Variants in SLC16A5 observed in about 807,000 individuals in gnomAD.
SLC16A5 encodes solute carrier family 16 member 5.
A neutral mutation model predicts 33.2 loss-of-function variants in SLC16A5; 29 were observed. The ratio of observed to expected loss-of-function variants is 0.87; its 90% CI spans 0.65 to 1.19. SLC16A5 has a LOEUF of 1.19. Among genes scored for constraint, SLC16A5 ranks in the 50% most tolerant of loss-of-function variants. The probability of loss-of-function intolerance (pLI) is 0.00; values close to 1 mark genes in which losing one functional copy is unlikely to be tolerated. For missense variants in SLC16A5, 606 were observed against 678.2 expected (o/e 0.89, Z 1.18); for synonymous variants, 248 against 284.1 (o/e 0.87, Z 1.28).
intron 5 of SLC16A5, among the ~76,000 whole-genome samples, chr17:75,101,238 GAC>G (rs2073795181): frequency 1.4e-5 from 2 of 141,350 alleles, no homozygotes; most frequent in Non-Finnish European, 3.0e-5. Flanking sequence ...AACAAAGCGA[GAC>G]TCCGCCTCAA....
At chr17:75,107,627 AC>A (rs2073872758), downstream of SLC16A5, among the ~76,000 whole-genome samples, 1 of 151,722 alleles carries the variant, frequency 6.6e-6, no homozygotes. Flanking sequence ...ACAAGGTGAA[AC>A]CCCATCTCTG....
At chr17:75,107,837 T>C (rs2073874196), downstream of SLC16A5, among the ~76,000 whole-genome samples, 1 of 152,056 alleles carries the variant, frequency 6.6e-6, no homozygotes, top group African/African-American at 2.4e-5. Context: ...TTCAGGAGGC[T>C]GAGGCAGGAG....
At chr17:75,099,038 T>C (rs1256847660) in intron 4 of SLC16A5, among the ~76,000 whole-genome samples, 1 of 152,082 alleles carries the variant, frequency 6.6e-6, no homozygotes, top group Admixed American at 6.6e-5. Flanking sequence ...CGGTCACACA[T>C]GATTGAGAAC....
intron 3 of SLC16A5, among the ~76,000 whole-genome samples, chr17:75,095,746 G>A (rs542909989): frequency 2.0e-4 from 30 of 151,552 alleles, no homozygotes; most frequent in South Asian, 4.2e-4. Flanking sequence ...TGTAACCTCC[G>A]CCTTCCAGGT....
intron 6 of SLC16A5, 69 bp from the exon 7 acceptor site, chr17:75,105,811 G>A: frequency 6.8e-7 from 1 of 1,475,312 alleles, no homozygotes; most frequent in Non-Finnish European, 9.1e-7. Flanking sequence ...TCAGGATGTT[G>A]TTTGTTGATT....
intron 5 of SLC16A5, among the ~76,000 whole-genome samples, chr17:75,101,816 A>G (rs2073803652): frequency 6.6e-6 from 1 of 151,804 alleles, no homozygotes; most frequent in Non-Finnish European, 1.5e-5. Context: ...TATATTTTTT[A>G]TAGAAATGGG....
chr17:75,098,243 G>A (rs937393671), intron 4 of SLC16A5, 62 bp downstream of exon 4: 1 of 1,602,632 alleles, frequency 6.2e-7, no homozygotes, highest in South Asian at 1.1e-5. Context: ...GGCACAAGTG[G>A]ACAGGGCAGG....
intron 2 of SLC16A5, chr17:75,093,331 G>GTCCTGTCCCTCCTATCCC (rs1037512147): frequency 2.9e-6 from 4 of 1,392,200 alleles, no homozygotes; most frequent in Non-Finnish European, 3.9e-6. Context: ...GCCCTGCCCC[G>GTCCTGTCCCTCCTATCCC]TCCTGTCCCT....
Position 75,100,142 on chromosome 17 carries a change from G to T in SLC16A5, c.479G>T (p.Arg160Leu). Residue 160 changes from arginine to leucine, a missense_variant, in exon 5 of 7, where the codon CGC becomes CTC. By Grantham distance (102) the Arg-to-Leu change is moderately radical. Transcript: ENST00000329783. Reference sequence around the variant, plus strand: ...ATCACCCTCTGGCCGCTGCTCTCCCGCTACCTTCTGGAGAACCTGGGCTGG... The same window carrying T: ...ATCACCCTCTGGCCGCTGCTCTCCCTCTACCTTCTGGAGAACCTGGGCTGG... ...LGITLWPLLS[R>L]YLLENLGWRG... 1 of 1,614,172 alleles carries T rather than the reference G, an allele frequency of 6.2e-7. No individual in the cohort carries two copies. Among genetic ancestry groups the T allele is most frequent in the Non-Finnish European group, 8.5e-7 (1 of 1,180,020 alleles).
At chr17:75,091,366 T>C (rs1457040354) in intron 2 of SLC16A5, among the ~76,000 whole-genome samples, 1 of 152,132 alleles carries the variant, frequency 6.6e-6, no homozygotes, top group Admixed American at 6.5e-5. Flanking sequence ...ATCTGCGATA[T>C]TGCCTGGCCT....
At position 75,098,129 on chromosome 17, in the gene SLC16A5, C is replaced by A; in HGVS notation, c.291C>A (p.Ser97Arg). ...TGGCCAGCCTGGGCATGGTGGCCAG[C>A]TCCTTCTCTCACAACCTCAGCCAGC... The part of the protein sequence containing the change: ...GVLASLGMVA[S>R]SFSHNLSQLY... The change falls in exon 4 of 7, where the codon AGC becomes AGA. Residue 97 changes from serine (S) to arginine (R), a missense_variant. Physicochemically the swap from Ser to Arg is moderately radical, Grantham distance 110. Transcript: ENST00000329783. 6.2e-7 allele frequency: 1 copy of A among 1,612,004 alleles called. No homozygotes were observed. Among genetic ancestry groups the A allele is most frequent in the South Asian group, 1.1e-5 (1 of 90,776 alleles).
Position 75,105,944 on chromosome 17 carries a change from T to C in SLC16A5, c.1429T>C (p.Ser477Pro), listed in dbSNP as rs766280776. The C allele has an allele frequency of 1.2e-6, 2 of 1,611,996 alleles. No homozygotes were observed. The highest frequency in any genetic ancestry group is 1.1e-5 in the South Asian group (1 of 90,792). The part of the protein sequence containing the change: ...VNKHLWGCPA[S>P]SRTSHEWLLW... ...TAAGCATCTTTGGGGATGTCCTGCCTCCTCCAGGACCAGCCATGAGTGGCT... is the reference window on the plus strand; with the variant it reads ...TAAGCATCTTTGGGGATGTCCTGCCCCCTCCAGGACCAGCCATGAGTGGCT... Residue 477 changes from serine to proline, a missense_variant, in exon 7 of 7, where the codon TCC becomes CCC. Ser to Pro is a moderately conservative substitution (Grantham distance 74). Coordinates refer to ENST00000329783, the MANE Select transcript of SLC16A5 (RefSeq NM_004695.4).
upstream of SLC16A5, chr17:75,087,873 A>T (rs989678306): frequency 5.3e-5 from 8 of 152,106 alleles, no homozygotes; most frequent in African/African-American, 1.7e-4. Context: ...TCCCCACCCG[A>T]CGGAATCCCG....
downstream of SLC16A5, among the ~76,000 whole-genome samples, chr17:75,106,637 G>A (rs867450972): frequency 4.6e-4 from 69 of 149,112 alleles, no homozygotes; most frequent in Middle Eastern, 7.1e-3. Context: ...GCTCACGCCT[G>A]TAATCCCAGC....
At chr17:75,087,637 C>A (rs1486369341), upstream of SLC16A5, 1 of 152,284 alleles carries the variant, frequency 6.6e-6, no homozygotes, top group Non-Finnish European at 1.5e-5. Flanking sequence ...TCTGCGCCTT[C>A]CCCACCCCAC....
At chr17:75,095,058 T>C (rs1482953875) in intron 3 of SLC16A5, among the ~76,000 whole-genome samples, 2 of 152,192 alleles carry the variant, frequency 1.3e-5, no homozygotes, top group Non-Finnish European at 2.9e-5. Flanking sequence ...TCTGCAGGCG[T>C]GTGTCTGCTG....
chr17:75,096,783 C>T (rs57037677), intron 3 of SLC16A5, among the ~76,000 whole-genome samples: 8,986 of 149,386 alleles, frequency 0.06, 916 homozygotes, highest in African/African-American at 0.21. Context: ...CCACCTGCCT[C>T]GGCCTCCCAA....
rs2073774215 is a variant in SLC16A5, at chr17:75,100,229, T to C, written c.566T>C (p.Ile189Thr). The change falls in exon 5 of 7, where the codon ATA becomes ACA. Residue 189 changes from isoleucine (I) to threonine (T), a missense_variant. Ile to Thr is a moderately conservative substitution (Grantham distance 89). Transcript: ENST00000329783. Reference sequence around the variant, plus strand: ...CACTGCTGCATCTGCGGGGCCATCATAAGGCCTGTGGCCACCAGTGTGGCC... The same window carrying C: ...CACTGCTGCATCTGCGGGGCCATCACAAGGCCTGTGGCCACCAGTGTGGCC... ...FLHCCICGAI[I>T]RPVATSVAPE... The C allele has an allele frequency of 6.2e-7, 1 of 1,614,238 alleles. No homozygotes were observed. Among genetic ancestry groups the C allele is most frequent in the African/African-American group, 1.3e-5 (1 of 75,066 alleles).
In SLC16A5 at chr17:75,100,267, G is replaced by C; in HGVS notation, c.604G>C (p.Glu202Gln). The stretch of plus-strand genomic sequence containing the variant: ...CACCAGTGTGGCCCCTGAGACCAAA[G>C]AATGTCCCCCGCCACCTCCCGAGAC... ...VATSVAPETK[E>Q]CPPPPPETPA... The change falls in exon 5 of 7, where the codon GAA (glutamate) becomes CAA (glutamine). Residue 202 changes from glutamate (E) to glutamine (Q), a missense_variant. By Grantham distance (29) the Glu-to-Gln change is conservative. Coordinates refer to ENST00000329783, the MANE Select transcript of SLC16A5 (RefSeq NM_004695.4). 1 of 1,614,218 alleles carries C rather than the reference G, an allele frequency of 6.2e-7. No individual in the cohort carries two copies. The highest frequency in any genetic ancestry group is 1.1e-5 in the South Asian group (1 of 91,088).
Sources: gnomAD v4.1 joint callset for allele counts (sites outside exome capture counted in the v4.1 genomes callset) on GRCh38, gnomAD v4.1.1 for gene constraint, MANE v1.5 for transcripts, NCBI Gene and HGNC (gene_info 2026-07-23, HGNC 2026-07-21) for gene names.